MMS19: variants seen among roughly 807,000 people sequenced by gnomAD.
MMS19 encodes MMS19 cytosolic iron-sulfur assembly component.
A neutral mutation model predicts 129.8 loss-of-function variants in MMS19; 77 were observed. The observed-to-expected ratio is 0.59, with a 90% CI of 0.49 to 0.72. The LOEUF (loss-of-function observed/expected upper bound fraction) is 0.72, where lower values mean the gene tolerates loss of function less well. Among genes scored for constraint, MMS19 ranks in the 30% least tolerant of loss-of-function variants. The pLI is 0.00. For missense variants in MMS19, 1,168 were observed against 1,266.3 expected, an observed-to-expected ratio of 0.92 and a Z score of 1.18; for synonymous variants, 491 against 502.8, an observed-to-expected ratio of 0.98 and a Z score of 0.31.
rs1309611261 is a variant in MMS19, at chr10:97,468,299, T to G, written c.1171A>C (p.Ser391Arg). Residue 391 changes from serine to arginine, a missense_variant, in exon 13 of 31, where the codon AGC (serine) becomes CGC (arginine). By Grantham distance (110) the Ser-to-Arg change is moderately radical. Transcript: ENST00000438925. ...ASARACDSVT[S>R]NVLPLLLEQF... ...TCCAGCAGTAAAGGCAGTACATTGC[T>G]GGTGACAGAGTCACAGGCCCGGGCA... The G allele has an allele frequency of 6.2e-7, 1 of 1,611,334 alleles. No homozygotes were observed. Among genetic ancestry groups the G allele is most frequent in the Non-Finnish European group, 8.5e-7 (1 of 1,178,380 alleles).
intron 23 of MMS19, 112 bp from the exon 24 acceptor site, chr10:97,461,119 A>G (rs549215462): frequency 1.1e-6 from 1 of 905,802 alleles, no homozygotes; most frequent in East Asian, 2.7e-5. Flanking sequence ...GAAAGGGAAA[A>G]TATCATTTTT....
chr10:97,464,145 C>T, intron 18 of MMS19, 132 bp from the exon 19 acceptor site: 1 of 751,954 alleles, frequency 1.3e-6, no homozygotes, highest in Non-Finnish European at 2.2e-6. Context: ...AAAGCTGAGT[C>T]ACTTTATTCT....
At position 97,469,703 on chromosome 10, in the gene MMS19, A is replaced by G. The variant is rs1287887978; in HGVS notation, c.867T>C (p.Tyr289=). The G allele has an allele frequency of 6.2e-7, 1 of 1,613,970 alleles. No individual in the cohort carries two copies. Among genetic ancestry groups the G allele is most frequent in the Admixed American group, 1.7e-5 (1 of 60,028 alleles). Residue 289 remains tyrosine (Y), a synonymous_variant, in exon 11 of 31, where the codon TAT becomes TAC. Transcript: ENST00000438925. ...LQTLNACCAV[Y]GQKELKDFLP... ...GGAAGTCCTTCAGTTCCTTCTGTCC[A>G]TACACAGCACAGCAAGCATTCTGCC...
At chr10:97,481,593 T>C (rs1212497706) in intron 2 of MMS19, among the ~76,000 whole-genome samples, 2 of 152,114 alleles carry the variant, frequency 1.3e-5, no homozygotes. Context: ...GGCCAGAATA[T>C]AGCTTTAACT....
intron 27 of MMS19, 60 bp downstream of exon 27, chr10:97,459,599 G>A: frequency 6.3e-7 from 1 of 1,598,530 alleles, no homozygotes; most frequent in Non-Finnish European, 8.5e-7. Flanking sequence ...CCCCTTTCTA[G>A]CCCCATCTGG....
chr10:97,468,366 C>T lies in MMS19; in HGVS notation c.1104G>A (p.Val368=), dbSNP rs370257836. The T allele has an allele frequency of 5.0e-6, 8 of 1,612,278 alleles. No homozygotes were observed. Among genetic ancestry groups the T allele is most frequent in the Admixed American group, 1.7e-5 (1 of 59,876 alleles). The part of the protein sequence containing the change: ...HHLCEPDMKL[V]WPSAKLLQAA... ...CCTGCAACAGCTTGGCACTAGGCCA[C>T]ACCAGTTTCATGTCCGGTTCACACA... Residue 368 remains valine (V), a synonymous_variant, in exon 13 of 31, where the codon GTG becomes GTA. Transcript: ENST00000438925.
chr10:97,458,594 A>G lies in MMS19; in HGVS notation c.*98T>C. 8.1e-7 allele frequency: 1 copy of G among 1,238,698 alleles called. No individual in the cohort carries two copies. Among genetic ancestry groups the G allele is most frequent in the East Asian group, 2.5e-5 (1 of 39,248 alleles). The allele number at this position is 1,238,698 out of a possible 1,614,324, so 76.7% of individuals were successfully genotyped here. ...TTTGTGCTGTGTCTGTGGGAAAGGC[A>G]GTCAGAGACCAGTGGTTTCCCTGCT... On this transcript the variant is annotated 3_prime_UTR_variant, in exon 31 of 31. Transcript: ENST00000438925.
At chr10:97,459,147 CCTGA>C in intron 29 of MMS19, 72 bp downstream of exon 29, 2 of 1,469,678 alleles carry the variant, frequency 1.4e-6, no homozygotes, top group Non-Finnish European at 1.8e-6. Flanking sequence ...GCCAAGCCCA[CCTGA>C]CTAAGGCAAA....
chr10:97,466,159 G>A lies in MMS19; in HGVS notation c.1506C>T (p.Cys502=), dbSNP rs996950246. Residue 502 remains cysteine (C), a splice_region_variant and synonymous_variant, in exon 17 of 31, where the codon TGC becomes TGT. Coordinates refer to ENST00000438925, the MANE Select transcript of MMS19 (RefSeq NM_022362.5). ...CTGATGCTTCCAGTGCTGCCACCCT[G>A]CTGGAGGCGCAGAGCAGATAAGCAT... ...LSFLKEDSQS[C]RVAALEASGT... 1 of 1,561,870 alleles carries A rather than the reference G, an allele frequency of 6.4e-7. No individual in the cohort carries two copies. Among genetic ancestry groups the A allele is most frequent in the Non-Finnish European group, 8.7e-7 (1 of 1,152,638 alleles).
intron 18 of MMS19, 106 bp downstream of exon 18, chr10:97,465,699 G>T: frequency 1.8e-6 from 2 of 1,140,002 alleles, no homozygotes; most frequent in Non-Finnish European, 2.5e-6. Context: ...TCTTTTAAAA[G>T]AGTTGATTCT....
rs2034134108 is a variant in MMS19, at chr10:97,469,016, C to T, written c.1013G>A (p.Arg338Lys). The T allele has an allele frequency of 1.9e-6, 3 of 1,588,056 alleles. No homozygotes were observed. In the Admixed American group the frequency reaches 5.3e-5, roughly 28 times the overall value. Reference protein sequence around the residue: ...LTACLSRSVLRADAEDLLDSF... With the variant: ...LTACLSRSVLKADAEDLLDSF... ...GTCAAGGAGGTCCTCAGCATCAGCCCTCAGCACAGAGCGAGACAAACACGC... is the reference window on the plus strand; with the variant it reads ...GTCAAGGAGGTCCTCAGCATCAGCCTTCAGCACAGAGCGAGACAAACACGC... Residue 338 changes from arginine (R) to lysine (K), a missense_variant, in exon 12 of 31, where the codon AGG becomes AAG. Coordinates refer to ENST00000438925, the MANE Select transcript of MMS19 (RefSeq NM_022362.5).
chr10:97,459,466 G>A lies in MMS19; in HGVS notation c.2800C>T (p.Leu934Phe). 6.2e-7 allele frequency: 1 copy of A among 1,612,738 alleles called. No homozygotes were observed. The highest frequency in any genetic ancestry group is 1.1e-5 in the South Asian group (1 of 90,728). The stretch of plus-strand genomic sequence containing the variant: ...AGTAGAAGAGGCTGAAGGCAGCTGA[G>A]GGTGGAGAGCTGCACCACACAGTCA... ...CPDCVVQLST[L>F]SCLQPLLLEA... Residue 934 changes from leucine (L) to phenylalanine (F), a missense_variant, in exon 28 of 31, where the codon CTC becomes TTC. This residue lies in a region of MMS19 where 831 missense variants were observed against 910.8 expected (regional missense o/e 0.91). Transcript: ENST00000438925.
chr10:97,462,531 A>G, intron 20 of MMS19, 52 bp downstream of exon 20: 2 of 1,363,492 alleles, frequency 1.5e-6, no homozygotes, highest in Non-Finnish European at 2.1e-6. Context: ...GCTTCTTCCT[A>G]AGAATGCTAT....
chr10:97,472,660 A>C (rs1240534532), intron 8 of MMS19, among the ~76,000 whole-genome samples: 1 of 151,702 alleles, frequency 6.6e-6, no homozygotes, highest in Non-Finnish European at 1.5e-5. Flanking sequence ...TCCAGGCTGG[A>C]GTGCAGAGGC....
chr10:97,470,790 T>C lies in MMS19; in HGVS notation c.756A>G (p.Thr252=), dbSNP rs780178868. The C allele has an allele frequency of 1.2e-6, 2 of 1,613,124 alleles. No homozygotes were observed. The highest frequency in any genetic ancestry group is 1.1e-5 in the South Asian group (1 of 91,028). The change falls in exon 9 of 31, where the codon ACA becomes ACG. Residue 252 remains threonine, a synonymous_variant. Coordinates refer to ENST00000438925, the MANE Select transcript of MMS19 (RefSeq NM_022362.5). ...CTAGACCCACCTCAGCAAATCGTGG[T>C]GTAGAAGCCAGCACAGCGCGAAGAC... ...ILSLRAVLAS[T]PRFAEFLLPL...
intron 10 of MMS19, 76 bp downstream of exon 10, chr10:97,470,053 T>C: frequency 9.6e-7 from 1 of 1,040,698 alleles, no homozygotes; most frequent in Non-Finnish European, 1.5e-6. Flanking sequence ...TCCTTGGCTA[T>C]CCTAGAATCT....
chr10:97,481,671 C>G (rs188772865), intron 2 of MMS19, among the ~76,000 whole-genome samples: 52 of 152,144 alleles, frequency 3.4e-4, no homozygotes, highest in Admixed American at 2.0e-3. Context: ...GACTTATCCT[C>G]AAAATTGCTC....
chr10:97,480,397 C>A, intron 3 of MMS19: 1 of 438,108 alleles, frequency 2.3e-6, no homozygotes, highest in Non-Finnish European at 4.5e-6. Context: ...ACAAAAAAAC[C>A]AGGCTATAGT....
intron 1 of MMS19, among the ~76,000 whole-genome samples, chr10:97,490,830 CTT>C (rs970418307): frequency 7.2e-5 from 11 of 152,314 alleles, no homozygotes; most frequent in African/African-American, 2.2e-4. Flanking sequence ...ATCAGGCACT[CTT>C]AGCCCACTTG....
Sources: gnomAD v4.1 joint callset for allele counts (sites outside exome capture counted in the v4.1 genomes callset) on GRCh38, gnomAD v4.1.1 for gene constraint, gnomAD v4.1.1 regional missense constraint, MANE v1.5 for transcripts, NCBI Gene and HGNC (gene_info 2026-07-23, HGNC 2026-07-21) for gene names.